TAPT1: variants seen among roughly 807,000 people sequenced by gnomAD.
TAPT1 encodes the protein transmembrane anterior posterior transformation 1, also known as transmembrane anterior posterior transformation protein 1 homolog.
Under a neutral mutation model 65.6 loss-of-function variants are expected in TAPT1, and 28 were observed. The observed-to-expected ratio is 0.43, with a 90% confidence interval of 0.32 to 0.59. The LOEUF (loss-of-function observed/expected upper bound fraction) is 0.59. Ranked by LOEUF, TAPT1 falls within the 20% of genes least tolerant of loss-of-function variation. TAPT1 has a pLI of 0.09. For synonymous variants in TAPT1, 278 were observed against 245.2 expected (o/e 1.13, Z -1.25); for missense variants, 563 against 679.9 (o/e 0.83, Z 1.91).
At chr4:16,180,309 AT>A (rs1474396896) in intron 7 of TAPT1, among the ~76,000 whole-genome samples, 1 of 152,144 alleles carries the variant, frequency 6.6e-6, no homozygotes, top group Non-Finnish European at 1.5e-5. Flanking sequence ...CAGTGTACAC[AT>A]TTCACTTTTT....
At chr4:16,196,645 A>T in intron 3 of TAPT1, 1 of 1,278,352 alleles carries the variant, frequency 7.8e-7, no homozygotes, top group Non-Finnish European at 1.0e-6. Flanking sequence ...AGGAAAAATC[A>T]GGGTTTACTC....
intron 1 of TAPT1, among the ~76,000 whole-genome samples, chr4:16,224,631 A>G (rs1751444040): frequency 6.6e-6 from 1 of 152,216 alleles, no homozygotes; most frequent in Non-Finnish European, 1.5e-5. Context: ...CTACCCCAAC[A>G]GCTAAACCTG....
At chr4:16,202,321 C>A in intron 3 of TAPT1, 141 bp downstream of exon 3, 1 of 425,154 alleles carries the variant, frequency 2.4e-6, no homozygotes, top group Non-Finnish European at 4.3e-6. Flanking sequence ...ATATAATATC[C>A]ATTAAAAAGG....
chr4:16,170,580 G>A lies in TAPT1; in HGVS notation c.1313+73C>T, dbSNP rs575228245. ...AGACTGGGAGTAGTATGATTGGGAT[G>A]CTACTAACTTCCATTACATCTTGCA... On this transcript the variant is annotated intron_variant, in intron 12 of 13. Transcript: ENST00000405303. The A allele has an allele frequency of 4.1e-5, 43 of 1,054,722 alleles. No homozygotes were observed. The South Asian group carries it at 5.7e-4, about 14-fold the overall frequency. 65.3% of individuals were successfully genotyped at this position (1,054,722 alleles called of 1,614,324 possible). A position where few individuals can be genotyped will look rare whatever the true frequency, so the allele number is the denominator to read the frequency against.
At position 16,213,506 on chromosome 4, in the gene TAPT1, A is replaced by G. The variant is rs573134368; in HGVS notation, c.330+262T>C. ...CAGAAGTAGAGATTAATTCCTTACA[A>G]AAGTTATTTTGATGTAGCACACAAT... On this transcript the variant is annotated intron_variant, in intron 2 of 13. Coordinates refer to ENST00000405303, the MANE Select transcript of TAPT1 (RefSeq NM_153365.3). Among the ~76,000 whole-genome samples, 4 of 152,334 alleles carry G rather than the reference A, an allele frequency of 2.6e-5. No individual in the cohort carries two copies. The South Asian group carries it at 8.3e-4, about 32-fold the overall frequency.
intron 13 of TAPT1, among the ~76,000 whole-genome samples, chr4:16,165,569 C>CAA (rs75616266): frequency 1.1e-5 from 1 of 92,348 alleles, no homozygotes; most frequent in Admixed American, 1.2e-4. Flanking sequence ...AACTCCGTCT[C>CAA]AAAAAAAAAA....
chr4:16,181,908 TAG>T lies in TAPT1; in HGVS notation c.917-2253_917-2252del, dbSNP rs1237156995. On this transcript the variant is annotated intron_variant, in intron 7 of 13. Coordinates refer to ENST00000405303, the MANE Select transcript of TAPT1 (RefSeq NM_153365.3). The stretch of plus-strand genomic sequence containing the variant: ...AAAAGCAGACTATTTCAAAATATGA[TAG>T]AGATTAATAAAAATGGATAAATTTG... 2.0e-5 allele frequency among the ~76,000 whole-genome samples: 3 copies of T among 152,298 alleles called. No individual in the cohort carries two copies. The South Asian group carries it at 6.2e-4, about 32-fold the overall frequency.
intron 1 of TAPT1, among the ~76,000 whole-genome samples, chr4:16,222,879 G>A (rs1012495369): frequency 2.6e-5 from 4 of 152,170 alleles, no homozygotes; most frequent in African/African-American, 9.7e-5. Context: ...TGGGTCCATG[G>A]CACTGTTACC....
At chr4:16,182,957 T>G (rs1748797207) in intron 7 of TAPT1, 1 of 152,200 alleles carries the variant, frequency 6.6e-6, no homozygotes, top group East Asian at 1.9e-4. Context: ...GGACTGAACC[T>G]TACACTACGT....
intron 7 of TAPT1, among the ~76,000 whole-genome samples, chr4:16,180,901 A>G (rs549138427): frequency 6.6e-6 from 1 of 152,298 alleles, no homozygotes; most frequent in Non-Finnish European, 1.5e-5. Context: ...ACTATTTATT[A>G]TGAGTGTGAG....
chr4:16,166,331 C>T lies in TAPT1; in HGVS notation c.1474+302G>A, dbSNP rs2271749. ...TAGTGCATATTTATTTCTCTCTACC[C>T]CTCTTCCCGACAATCTAGAACAAGC... On this transcript the variant is annotated intron_variant, in intron 13 of 13. Transcript: ENST00000405303. 0.043 allele frequency among the ~76,000 whole-genome samples: 6,571 copies of T among 152,274 alleles called. 245 individuals are homozygous for T. The highest frequency in any genetic ancestry group is 0.09 in the African/African-American group (3,722 of 41,528).
chr4:16,169,555 C>A (rs1747859381), intron 12 of TAPT1, among the ~76,000 whole-genome samples: 1 of 152,170 alleles, frequency 6.6e-6, no homozygotes, highest in Admixed American at 6.5e-5. Flanking sequence ...CTCATTCAAA[C>A]AAACAACAGG....
At chr4:16,176,434 C>T in intron 8 of TAPT1, 1 of 356,346 alleles carries the variant, frequency 2.8e-6, no homozygotes, top group Admixed American at 4.8e-5. Flanking sequence ...TTACTCAGGC[C>T]CGGCGCAGTG....
Position 16,213,862 on chromosome 4 carries a change from G to T in TAPT1, c.236C>A (p.Thr79Lys). Residue 79 changes from threonine (T) to lysine (K), a missense_variant, in exon 2 of 14, where the codon ACA becomes AAA. By Grantham distance (78) the Thr-to-Lys change is moderately conservative. Coordinates refer to ENST00000405303, the MANE Select transcript of TAPT1 (RefSeq NM_153365.3). Reference protein sequence around the residue: ...SLLRFLSAELTRGYFLEHNEA... With the variant: ...SLLRFLSAELKRGYFLEHNEA... ...ATTATGTTCAAGGAAGTACCCTCTT[G>T]TTAGTTCAGCACTGAGGAACCTCAA... The T allele has an allele frequency of 6.2e-7, 1 of 1,609,314 alleles. No individual in the cohort carries two copies. The highest frequency in any genetic ancestry group is 1.3e-5 in the African/African-American group (1 of 74,332).
chr4:16,178,176 A>G (rs1560158198), intron 8 of TAPT1, among the ~76,000 whole-genome samples: 1 of 152,174 alleles, frequency 6.6e-6, no homozygotes, highest in Non-Finnish European at 1.5e-5. Flanking sequence ...ACCATTCACT[A>G]AAACAAATTT....
At chr4:16,206,695 A>C (rs1186656926) in intron 2 of TAPT1, among the ~76,000 whole-genome samples, 1 of 152,164 alleles carries the variant, frequency 6.6e-6, no homozygotes, top group Non-Finnish European at 1.5e-5. Context: ...GTGAATGATC[A>C]CAGCAGCCTG....
At chr4:16,169,731 G>A (rs1335141488) in intron 12 of TAPT1, among the ~76,000 whole-genome samples, 3 of 152,228 alleles carry the variant, frequency 2.0e-5, no homozygotes, top group African/African-American at 7.2e-5. Context: ...GGAAAGTGCA[G>A]ACAGTAAGTG....
chr4:16,207,136 A>T (rs895486017), intron 2 of TAPT1, among the ~76,000 whole-genome samples: 2 of 152,228 alleles, frequency 1.3e-5, no homozygotes, highest in African/African-American at 4.8e-5. Flanking sequence ...CATCTGCACA[A>T]GGGTGTGTCA....
chr4:16,185,676 A>G (rs1267591469), intron 7 of TAPT1, among the ~76,000 whole-genome samples: 2 of 152,096 alleles, frequency 1.3e-5, no homozygotes, highest in Non-Finnish European at 2.9e-5. Context: ...GCTGATCATC[A>G]TACTTTTTAA....
Sources: gnomAD v4.1 joint callset for allele counts (sites outside exome capture counted in the v4.1 genomes callset) on GRCh38, gnomAD v4.1.1 for gene constraint, MANE v1.5 for transcripts, NCBI Gene and HGNC (gene_info 2026-07-23, HGNC 2026-07-21) for gene names.